ANKRD24: variants seen among roughly 807,000 people sequenced by gnomAD.
ANKRD24 encodes ankyrin repeat domain-containing protein 24.
Under a neutral mutation model 127.8 loss-of-function variants are expected in ANKRD24, and 109 were observed. The observed-to-expected ratio is 0.85, with a 90% CI of 0.73 to 1.00. The LOEUF (loss-of-function observed/expected upper bound fraction) is 1.00. Among genes scored for constraint, ANKRD24 ranks in the 50% least tolerant of loss-of-function variants. The probability of loss-of-function intolerance (pLI) is 0.00; values close to 1 mark genes in which losing one functional copy is unlikely to be tolerated. For missense variants in ANKRD24, 1,648 were observed against 1,570.2 expected (o/e 1.05, Z -0.84); for synonymous variants, 743 against 671.1 (o/e 1.11, Z -1.66).
At chr19:4,216,091 C>A in intron 16 of ANKRD24, 41 bp downstream of exon 16, 1 of 1,542,842 alleles carries the variant, frequency 6.5e-7, no homozygotes, top group East Asian at 2.4e-5. Flanking sequence ...CCGCCTTGTC[C>A]CCTGGGGCCC....
chr19:4,192,324 C>T (rs556603942), intron 2 of ANKRD24, among the ~76,000 whole-genome samples: 1 of 151,652 alleles, frequency 6.6e-6, no homozygotes, highest in South Asian at 2.1e-4. Flanking sequence ...CTGGAAAGTC[C>T]TCTTTCTCTT....
intron 2 of ANKRD24, among the ~76,000 whole-genome samples, chr19:4,190,426 A>G (rs1968320771): frequency 7.2e-6 from 1 of 139,564 alleles, no homozygotes; most frequent in Admixed American, 7.2e-5. Context: ...TCCGTCTCGA[A>G]AAAAAAAAAA....
chr19:4,224,318 C>T, intron 21 of ANKRD24, 110 bp from the exon 22 acceptor site: 2 of 1,419,282 alleles, frequency 1.4e-6, no homozygotes, highest in Non-Finnish European at 9.7e-7. Flanking sequence ...TGTGGGAGCC[C>T]CCCTGTGTGC....
chr19:4,186,995 G>T (rs906489612), intron 2 of ANKRD24, among the ~76,000 whole-genome samples: 5 of 152,148 alleles, frequency 3.3e-5, no homozygotes, highest in Admixed American at 2.6e-4. Context: ...ATTTTGTGTC[G>T]CAAAGACAGA....
rs1970646816 is a variant in ANKRD24, at chr19:4,224,749, CTG to C, written c.*247_*248del. On this transcript the variant is annotated 3_prime_UTR_variant, in exon 22 of 22. Coordinates refer to ENST00000318934, the MANE Select transcript of ANKRD24 (RefSeq NM_001393985.1). ...ACTGCCCCTCCCCCACCACCGGAGA[CTG>C]TGATTCCCTGTGTCCTCCACATCCA... The C allele has an allele frequency of 3.6e-6, 2 of 553,544 alleles. No individual in the cohort carries two copies. Among genetic ancestry groups the C allele is most frequent in the Non-Finnish European group, 6.5e-6 (2 of 307,756 alleles). 34.3% of individuals were successfully genotyped at this position (553,544 alleles called of 1,614,324 possible).
intron 2 of ANKRD24, among the ~76,000 whole-genome samples, chr19:4,193,847 GGAAGGAAGGAA>G (rs1968534069): frequency 3.3e-4 from 3 of 9,002 alleles, no homozygotes; most frequent in East Asian, 2.1e-3. Flanking sequence ...GAGGGAGGGA[GGAAGGAAGGAA>G]GGAAGGAAGG....
At chr19:4,221,369 G>GT (rs202157475) in intron 19 of ANKRD24, among the ~76,000 whole-genome samples, 2,090 of 148,980 alleles carry the variant, frequency 0.014, 45 homozygotes, top group African/African-American at 0.046. Flanking sequence ...TGCCTGGCCT[G>GT]TTTTTTTTTG....
chr19:4,196,575 A>G (rs1372394862), intron 2 of ANKRD24, among the ~76,000 whole-genome samples: 1 of 152,088 alleles, frequency 6.6e-6, no homozygotes, highest in Non-Finnish European at 1.5e-5. Context: ...AAGTTTCACT[A>G]TGTTGGCCAA....
rs1968658221 is a variant in ANKRD24, at chr19:4,195,312, G to A, written c.37-4371G>A. On this transcript the variant is annotated intron_variant, in intron 2 of 21. Coordinates refer to ENST00000318934, the MANE Select transcript of ANKRD24 (RefSeq NM_001393985.1). The surrounding 1 kb of genome is among the most constrained non-coding windows in gnomAD (Gnocchi z 4.2). The stretch of plus-strand genomic sequence containing the variant: ...TGGTCTCGAACTCCCCATCTCAGGT[G>A]ATCTGCCTGCCTCAGCCTCCCAAAG... Among the ~76,000 whole-genome samples the A allele has an allele frequency of 6.6e-6, 1 of 151,498 alleles. No individual in the cohort carries two copies.
Position 4,224,653 on chromosome 19 carries a change from A to G in ANKRD24, c.*148A>G, listed in dbSNP as rs1220737300. On this transcript the variant is annotated 3_prime_UTR_variant, in exon 22 of 22. Coordinates refer to ENST00000318934, the MANE Select transcript of ANKRD24 (RefSeq NM_001393985.1). ...GACCAGCCTGGTTCCCTGCCCGACC[A>G]CCCCCAGCTGGCTCCATCACCCCAC... 5.4e-6 allele frequency: 4 copies of G among 739,826 alleles called. No individual in the cohort carries two copies. The highest frequency in any genetic ancestry group is 9.0e-6 in the Non-Finnish European group (4 of 445,770). The allele number at this position is 739,826 out of a possible 1,614,324, so 45.8% of individuals were successfully genotyped here.
At position 4,217,158 on chromosome 19, in the gene ANKRD24, C is replaced by A; in HGVS notation, c.1998C>A (p.Val666=). 1 of 1,612,948 alleles carries A rather than the reference C, an allele frequency of 6.2e-7. No homozygotes were observed. The highest frequency in any genetic ancestry group is 8.5e-7 in the Non-Finnish European group (1 of 1,179,568). ...GTGCTGGGCAAGCAGAGCCCCCAGTCACAGGGACCACAAACATGGAGGCCA... is the reference window on the plus strand; with the variant it reads ...GTGCTGGGCAAGCAGAGCCCCCAGTAACAGGGACCACAAACATGGAGGCCA... The part of the protein sequence containing the change: ...GVGAGQAEPP[V]TGTTNMEATG... Residue 666 remains valine (V), a synonymous_variant, in exon 18 of 22, where the codon GTC becomes GTA. Transcript: ENST00000318934.
chr19:4,203,758 T>C (rs1490379950), intron 7 of ANKRD24, among the ~76,000 whole-genome samples: 3 of 151,102 alleles, frequency 2.0e-5, no homozygotes, highest in Admixed American at 6.6e-5. Context: ...GCAATTCTCC[T>C]GCCTTAGCCT....
At chr19:4,224,358 G>C in intron 21 of ANKRD24, 70 bp from the exon 22 acceptor site, 1 of 1,539,774 alleles carries the variant, frequency 6.5e-7, no homozygotes, top group Non-Finnish European at 8.9e-7. Flanking sequence ...TGGTCTATGG[G>C]AGTGGTGGAG....
intron 13 of ANKRD24, among the ~76,000 whole-genome samples, chr19:4,212,086 G>A (rs756528176): frequency 1.3e-5 from 2 of 152,052 alleles, no homozygotes; most frequent in Non-Finnish European, 2.9e-5. Flanking sequence ...TGTAGTCCCA[G>A]CTACTTAGGA....
At chr19:4,215,621 A>T (rs963874142) in intron 15 of ANKRD24, among the ~76,000 whole-genome samples, 6 of 131,358 alleles carry the variant, frequency 4.6e-5, no homozygotes, top group African/African-American at 1.7e-4. Flanking sequence ...AAAAAAAATT[A>T]AAAATTAGCC....
At chr19:4,192,946 T>C (rs987926634) in intron 2 of ANKRD24, among the ~76,000 whole-genome samples, 1 of 150,148 alleles carries the variant, frequency 6.7e-6, no homozygotes, top group African/African-American at 2.5e-5. Context: ...AATAAATAAA[T>C]AAATAAAAAT....
chr19:4,216,773 A>G lies in ANKRD24; in HGVS notation c.1613A>G (p.Lys538Arg), dbSNP rs1252741143. ...ESEVAGATAT[K>R]NGPTHMELNG... ...GAGGTTGCTGGAGCCACGGCCACCA[A>G]AAACGGGCCAACCCACATGGAGCTA... Residue 538 changes from lysine to arginine, a missense_variant, in exon 18 of 22, where the codon AAA (lysine) becomes AGA (arginine). Lys to Arg is a conservative substitution (Grantham distance 26). Transcript: ENST00000318934. The G allele has an allele frequency of 6.3e-7, 1 of 1,594,032 alleles. No homozygotes were observed. The highest frequency in any genetic ancestry group is 8.5e-7 in the Non-Finnish European group (1 of 1,170,998).
chr19:4,205,325 G>A (rs943100398), intron 7 of ANKRD24, among the ~76,000 whole-genome samples: 7 of 152,240 alleles, frequency 4.6e-5, no homozygotes, highest in Non-Finnish European at 1.0e-4. Flanking sequence ...GATAAGGTTT[G>A]CAGCAATCAA....
rs544907991 is a variant in ANKRD24 at position 4,219,007 on chromosome 19, C to T, written c.3004-584C>T. Among the ~76,000 whole-genome samples, 11 of 152,240 alleles carry T rather than the reference C, an allele frequency of 7.2e-5. No homozygotes were observed. The East Asian group carries it at 1.7e-3, about 24-fold the overall frequency. On this transcript the variant is annotated intron_variant, in intron 18 of 21. Coordinates refer to ENST00000318934, the MANE Select transcript of ANKRD24 (RefSeq NM_001393985.1). The stretch of plus-strand genomic sequence containing the variant: ...GGTCTCAAACACCTGAGCTCATGGC[C>T]GGGCACCGTGGCTCACGCCTGTAAT...
Sources: allele counts gnomAD v4.1 joint callset (sites outside exome capture counted in the v4.1 genomes callset), GRCh38; gene constraint gnomAD v4.1.1; non-coding constraint Gnocchi (gnomAD v3.1); transcripts MANE v1.5; gene names NCBI Gene and HGNC (gene_info 2026-07-23, HGNC 2026-07-21).